MEI4: variants seen among roughly 807,000 people sequenced by gnomAD.
MEI4 encodes the protein meiotic double-stranded break formation protein 4, also known as meiosis-specific protein MEI4.
MEI4 carries 27 observed loss-of-function variants against 31.4 expected under a neutral mutation model. The ratio of observed to expected loss-of-function variants is 0.86; its 90% CI spans 0.63 to 1.19. MEI4 has a LOEUF of 1.19. Ranked by LOEUF, MEI4 falls within the 50% of genes most tolerant of loss-of-function variation. The pLI, the probability that MEI4 is intolerant of heterozygous loss-of-function variation, is 0.00. For synonymous variants in MEI4, 122 were observed against 145.4 expected (o/e 0.84, Z 1.16); for missense variants, 329 against 398.9 (o/e 0.82, Z 1.49).
chr6:77,833,437 A>G (rs1770131537), intron 4 of MEI4, among the ~76,000 whole-genome samples: 1 of 152,174 alleles, frequency 6.6e-6, no homozygotes, highest in Admixed American at 6.6e-5. Flanking sequence ...TCTAGATAGT[A>G]TGTGATTTTC....
Position 77,690,661 on chromosome 6 carries a change from C to T in MEI4, c.-11C>T. ...CTTTTTTCTTATTAAATGATAGGGA[C>T]AAAAGCCAGGATGGATGTTCAAAAA... On this transcript the variant is annotated 5_prime_UTR_variant, in exon 2 of 5. Transcript: ENST00000684080. 6 of 1,222,398 alleles carry T rather than the reference C, an allele frequency of 4.9e-6. No individual in the cohort carries two copies. The highest frequency in any genetic ancestry group is 6.1e-6 in the Non-Finnish European group (6 of 979,208). The allele number at this position is 1,222,398 out of a possible 1,614,324, so 75.7% of individuals were successfully genotyped here.
rs896967733 is a variant in MEI4, at chr6:77,923,390, A to G, written c.*44A>G. The G allele has an allele frequency of 1.6e-6, 2 of 1,213,682 alleles. No homozygotes were observed. The highest frequency in any genetic ancestry group is 3.1e-5 in the African/African-American group (2 of 63,828). The allele number at this position is 1,213,682 out of a possible 1,614,324, so 75.2% of individuals were successfully genotyped here. On this transcript the variant is annotated 3_prime_UTR_variant, in exon 5 of 5. Transcript: ENST00000684080. ...TACCACGTTTGAAGCATAATAAAGT[A>G]GAATATATGAAAATCTCATACTGAA...
chr6:77,677,559 A>ATC (rs1423674678), intron 1 of MEI4, among the ~76,000 whole-genome samples: 1 of 152,018 alleles, frequency 6.6e-6, no homozygotes, highest in Non-Finnish European at 1.5e-5. Flanking sequence ...TTTTTCTCCT[A>ATC]TTGTCCTGTT....
intron 4 of MEI4, among the ~76,000 whole-genome samples, chr6:77,921,793 G>A (rs1174456633): frequency 6.6e-6 from 1 of 151,726 alleles, no homozygotes; most frequent in African/African-American, 2.4e-5. Flanking sequence ...ATGGCCAATT[G>A]GTGAAGCAGT....
At chr6:77,696,762 G>C (rs1766056746) in intron 2 of MEI4, among the ~76,000 whole-genome samples, 1 of 151,820 alleles carries the variant, frequency 6.6e-6, no homozygotes, top group Non-Finnish European at 1.5e-5. Flanking sequence ...TTTGGTATCA[G>C]GATGATGCTG....
chr6:77,734,924 G>T (rs985677210), intron 2 of MEI4, among the ~76,000 whole-genome samples: 8 of 151,830 alleles, frequency 5.3e-5, no homozygotes, highest in African/African-American at 1.7e-4. Context: ...GAAATTCTGG[G>T]TTGAAAATTC....
At chr6:77,801,139 G>A (rs557984141) in intron 3 of MEI4, among the ~76,000 whole-genome samples, 1 of 152,230 alleles carries the variant, frequency 6.6e-6, no homozygotes, top group African/African-American at 2.4e-5. Context: ...TTGTTGGTTG[G>A]TAAGCTATTA....
At chr6:77,735,363 TC>T (rs1489695060) in intron 2 of MEI4, among the ~76,000 whole-genome samples, 2 of 151,916 alleles carry the variant, frequency 1.3e-5, no homozygotes, top group Non-Finnish European at 2.9e-5. Flanking sequence ...AAACTTCCCT[TC>T]TTGCTTCATT....
intron 4 of MEI4, among the ~76,000 whole-genome samples, chr6:77,856,301 A>G (rs1274041503): frequency 6.6e-6 from 1 of 152,088 alleles, no homozygotes; most frequent in Non-Finnish European, 1.5e-5. Flanking sequence ...CTGGAATGCC[A>G]TTCCTGAACC....
At chr6:77,807,566 T>C (rs903634967) in intron 3 of MEI4, among the ~76,000 whole-genome samples, 2 of 152,180 alleles carry the variant, frequency 1.3e-5, no homozygotes, top group Non-Finnish European at 2.9e-5. Context: ...AACCAAGGAC[T>C]AGTCTAAGGG....
At chr6:77,878,888 G>A (rs1386166482) in intron 4 of MEI4, among the ~76,000 whole-genome samples, 1 of 152,108 alleles carries the variant, frequency 6.6e-6, no homozygotes, top group Non-Finnish European at 1.5e-5. Flanking sequence ...ACATGAAAAT[G>A]CATATAGTAT....
In MEI4 at chr6:77,855,734, GAA is replaced by G. The variant is rs376817938; in HGVS notation, c.900+26674_900+26675del. ...TGAGTAGAATCTGGAAATGAAAATT[GAA>G]AGAGTGGATTACATAGAACTTTAAC... On this transcript the variant is annotated intron_variant, in intron 4 of 4. Coordinates refer to ENST00000684080, the MANE Select transcript of MEI4 (RefSeq NM_001322247.2). 5.0e-4 allele frequency among the ~76,000 whole-genome samples: 76 copies of G among 152,262 alleles called. 1 individual carries two copies. In the South Asian group the frequency reaches 0.015, roughly 30 times the overall value.
chr6:77,833,797 G>A (rs1225743835), intron 4 of MEI4, among the ~76,000 whole-genome samples: 9 of 151,944 alleles, frequency 5.9e-5, no homozygotes, highest in African/African-American at 4.8e-5. Context: ...CCCCGCACCC[G>A]CCAACAGGCC....
At chr6:77,738,085 G>A (rs940669892) in intron 2 of MEI4, among the ~76,000 whole-genome samples, 29 of 152,182 alleles carry the variant, frequency 1.9e-4, no homozygotes, top group Non-Finnish European at 3.7e-4. Flanking sequence ...GGAATGAGGG[G>A]TTGTATCAAA....
chr6:77,801,335 G>C (rs928010171), intron 3 of MEI4, among the ~76,000 whole-genome samples: 1 of 152,134 alleles, frequency 6.6e-6, no homozygotes, highest in Admixed American at 6.5e-5. Context: ...GATTGGTGGT[G>C]ATATCCCCTT....
chr6:77,738,765 A>T (rs1170432374), intron 2 of MEI4, among the ~76,000 whole-genome samples: 1 of 152,130 alleles, frequency 6.6e-6, no homozygotes, highest in Non-Finnish European at 1.5e-5. Flanking sequence ...TTGTTTCCTG[A>T]CTTTAACCAT....
At chr6:77,712,832 G>A (rs940419738) in intron 2 of MEI4, among the ~76,000 whole-genome samples, 39 of 152,150 alleles carry the variant, frequency 2.6e-4, no homozygotes, top group Admixed American at 2.4e-3. Context: ...CTAGCCGGGT[G>A]TGGTGGTGGG....
chr6:77,736,602 G>T (rs143892086), intron 2 of MEI4, among the ~76,000 whole-genome samples: 2 of 152,038 alleles, frequency 1.3e-5, no homozygotes, highest in Admixed American at 6.6e-5. Context: ...CTTCTGCGTC[G>T]CTCATGCTGG....
intron 4 of MEI4, among the ~76,000 whole-genome samples, chr6:77,843,950 T>C (rs1188690411): frequency 6.6e-6 from 1 of 152,136 alleles, no homozygotes; most frequent in Non-Finnish European, 1.5e-5. Context: ...CTAATGAGTT[T>C]AATGGGTTTG....
Sources: gnomAD v4.1 joint callset for allele counts (sites outside exome capture counted in the v4.1 genomes callset) on GRCh38, gnomAD v4.1.1 for gene constraint, MANE v1.5 for transcripts, NCBI Gene and HGNC (gene_info 2026-07-23, HGNC 2026-07-21) for gene names.